Variants in SLC35D4 observed in about 807,000 individuals in gnomAD.
SLC35D4 encodes solute carrier family 35 member D4, also known as UDP-N-acetylglucosamine transporter SLC35D4.
chr18:23,286,291 A>C, the SLC35D4 span, among the ~76,000 whole-genome samples: 4 of 152,116 alleles, frequency 2.6e-5, no homozygotes, highest in African/African-American at 9.7e-5. Context: ...TTCCTCCAGA[A>C]CCGCCTCCCC....
At chr18:23,322,552 C>A in the SLC35D4 span, among the ~76,000 whole-genome samples, 1 of 152,304 alleles carries the variant, frequency 6.6e-6, no homozygotes, top group Admixed American at 6.5e-5. Context: ...CTGGTGCTTA[C>A]ATTTCTGAGA....
the SLC35D4 span, among the ~76,000 whole-genome samples, chr18:23,435,508 A>G: frequency 6.6e-6 from 1 of 152,154 alleles, no homozygotes; most frequent in Non-Finnish European, 1.5e-5. Context: ...AAACAAACAA[A>G]CAAGCAAACC....
chr18:23,246,533 A>G, the SLC35D4 span, among the ~76,000 whole-genome samples: 2 of 151,884 alleles, frequency 1.3e-5, no homozygotes, highest in Non-Finnish European at 2.9e-5. Context: ...CTGGGACTAC[A>G]GGCACCCGCC....
chr18:23,306,508 G>T, the SLC35D4 span, among the ~76,000 whole-genome samples: 1 of 152,066 alleles, frequency 6.6e-6, no homozygotes, highest in Non-Finnish European at 1.5e-5. Flanking sequence ...GTTTCTCCAT[G>T]TTGGTCAGGC....
chr18:23,285,893 C>T, the SLC35D4 span, among the ~76,000 whole-genome samples: 1 of 151,412 alleles, frequency 6.6e-6, no homozygotes, highest in African/African-American at 2.4e-5. Context: ...AAGGTTAATG[C>T]TCCTTTTTCT....
chr18:23,246,643 G>A, the SLC35D4 span, among the ~76,000 whole-genome samples: 8 of 151,576 alleles, frequency 5.3e-5, no homozygotes, highest in East Asian at 1.9e-4. Context: ...CGCCCACCTT[G>A]GCCTCCCAAA....
At chr18:23,275,087 T>C in the SLC35D4 span, among the ~76,000 whole-genome samples, 2 of 151,212 alleles carry the variant, frequency 1.3e-5, no homozygotes, top group Non-Finnish European at 2.9e-5. Context: ...TGTGTGCTTG[T>C]GTGCGTGCTT....
the SLC35D4 span, among the ~76,000 whole-genome samples, chr18:23,285,795 C>T: frequency 3.9e-5 from 6 of 152,158 alleles, no homozygotes; most frequent in African/African-American, 7.2e-5. Context: ...ACACCGGGTC[C>T]GGCTTACGGT....
the SLC35D4 span, among the ~76,000 whole-genome samples, chr18:23,307,177 G>A: frequency 9.2e-5 from 14 of 152,262 alleles, no homozygotes; most frequent in Non-Finnish European, 2.1e-4. Context: ...GTTTGAGGGA[G>A]TGAAGGATGA....
chr18:23,423,807 A>G, the SLC35D4 span, among the ~76,000 whole-genome samples: 3 of 152,294 alleles, frequency 2.0e-5, no homozygotes, highest in Admixed American at 6.5e-5. Context: ...CAGAAGTGAG[A>G]ACAACAATGG....
chr18:23,310,866 C>G, the SLC35D4 span, among the ~76,000 whole-genome samples: 8 of 152,264 alleles, frequency 5.3e-5, no homozygotes, highest in Admixed American at 1.3e-4. Flanking sequence ...TTTGGTATCA[C>G]TTTCTGCCTC....
At chr18:23,249,017 CTG>C in the SLC35D4 span, among the ~76,000 whole-genome samples, 1 of 152,214 alleles carries the variant, frequency 6.6e-6, no homozygotes, top group African/African-American at 2.4e-5. Context: ...GGCGCTGGCA[CTG>C]GCTGCTGGCT....
the SLC35D4 span, among the ~76,000 whole-genome samples, chr18:23,242,092 G>T: frequency 1.3e-5 from 2 of 152,076 alleles, no homozygotes; most frequent in South Asian, 4.1e-4. Context: ...CCTGACCAAC[G>T]TGGTGAAACA....
the SLC35D4 span, among the ~76,000 whole-genome samples, chr18:23,366,417 A>G: frequency 2.1e-4 from 32 of 152,378 alleles, no homozygotes; most frequent in African/African-American, 7.7e-4. Flanking sequence ...TTAGAGAATT[A>G]GGAATAAAAC....
At chr18:23,308,117 G>A in the SLC35D4 span, among the ~76,000 whole-genome samples, 27 of 152,344 alleles carry the variant, frequency 1.8e-4, no homozygotes, top group Non-Finnish European at 3.7e-4. Context: ...AAAGCTAGCA[G>A]GGCTTGCACA....
the SLC35D4 span, among the ~76,000 whole-genome samples, chr18:23,431,517 T>C: frequency 5.3e-5 from 8 of 152,358 alleles, no homozygotes; most frequent in African/African-American, 1.7e-4. Flanking sequence ...TTTCTTTCCT[T>C]TGTTGTCCTT....
chr18:23,310,172 T>C, the SLC35D4 span: 1 of 980,298 alleles, frequency 1.0e-6, no homozygotes, highest in Non-Finnish European at 1.2e-6. Context: ...GATAAAAACT[T>C]ATCTGTCACC....
chr18:23,319,817 T>C, the SLC35D4 span, among the ~76,000 whole-genome samples: 1 of 152,390 alleles, frequency 6.6e-6, no homozygotes, highest in East Asian at 1.9e-4. Flanking sequence ...CATTTCATTG[T>C]CTATGAGTAC....
chr18:23,260,200 C>G, the SLC35D4 span: 1 of 152,198 alleles, frequency 6.6e-6, no homozygotes, highest in Non-Finnish European at 1.5e-5. Flanking sequence ...CTTTCTTGCC[C>G]GCTAATAAAA....
Sources: allele counts gnomAD v4.1 joint callset (sites outside exome capture counted in the v4.1 genomes callset), GRCh38; gene constraint gnomAD v4.1.1; transcripts MANE v1.5; gene names NCBI Gene and HGNC (gene_info 2026-07-23, HGNC 2026-07-21).